DLG2: variants seen among roughly 807,000 people sequenced by gnomAD.
The protein encoded by DLG2 is disks large homolog 2.
DLG2 carries 45 observed loss-of-function variants against 132.5 expected under a neutral mutation model. The ratio of observed to expected loss-of-function variants is 0.34; its 90% CI spans 0.27 to 0.44. DLG2 has a LOEUF of 0.44. DLG2 is among the 20% of genes least tolerant of loss of function. DLG2 has a pLI of 1.00. For synonymous variants in DLG2, 424 were observed against 419.6 expected, an observed-to-expected ratio of 1.01 and a Z score of -0.13; for missense variants, 1,045 against 1,196.9, an observed-to-expected ratio of 0.87 and a Z score of 1.87.
At chr11:85,150,580 G>A (rs2077178092) in intron 5 of DLG2, among the ~76,000 whole-genome samples, 1 of 151,952 alleles carries the variant, frequency 6.6e-6, no homozygotes, top group Admixed American at 6.6e-5. Flanking sequence ...ATACTTCATA[G>A]GAGTGGAATC....
intron 15 of DLG2, among the ~76,000 whole-genome samples, chr11:83,901,811 T>G (rs1162299469): frequency 6.6e-6 from 1 of 152,184 alleles, no homozygotes; most frequent in Non-Finnish European, 1.5e-5. Context: ...ACTGAATAGC[T>G]TGGTTACCTT....
intron 3 of DLG2, among the ~76,000 whole-genome samples, chr11:85,400,697 C>A (rs1294975813): frequency 6.7e-6 from 1 of 149,802 alleles, no homozygotes; most frequent in East Asian, 2.0e-4. Context: ...AAACCAAACA[C>A]CGCATGTTCT....
At chr11:84,574,416 TG>T (rs1357204748) in intron 6 of DLG2, among the ~76,000 whole-genome samples, 2 of 152,018 alleles carry the variant, frequency 1.3e-5, no homozygotes. Flanking sequence ...TTAATGTCAA[TG>T]TTTACCTGTT....
In DLG2 at chr11:85,024,713, G is replaced by C. The variant is rs527425120; in HGVS notation, c.357+86948C>G. Among the ~76,000 whole-genome samples, 10 of 152,230 alleles carry C rather than the reference G, an allele frequency of 6.6e-5. No homozygotes were observed. In the East Asian group the frequency reaches 1.2e-3, roughly 18 times the overall value. On this transcript the variant is annotated intron_variant, in intron 6 of 27. Coordinates refer to ENST00000376104, the MANE Select transcript of DLG2 (RefSeq NM_001142699.3). ...TCCTACCATAACCCTCTCCATACTG[G>C]CTTAAGTTTCATGAACGTACTCCCC...
At chr11:85,387,054 A>G (rs754611983) in intron 3 of DLG2, among the ~76,000 whole-genome samples, 5 of 150,464 alleles carry the variant, frequency 3.3e-5, no homozygotes, top group Non-Finnish European at 7.4e-5. Flanking sequence ...CACTCAGATA[A>G]TTTTTGTATT....
At chr11:85,285,430 A>G (rs2078494344) in intron 3 of DLG2, 65 bp from the exon 4 acceptor site, 2 of 1,448,522 alleles carry the variant, frequency 1.4e-6, no homozygotes, top group Admixed American at 2.0e-5. Context: ...GCTTCTGCAT[A>G]TATGTCCATA....
Position 84,174,737 on chromosome 11 carries a change from T to C in DLG2, c.574-11226A>G, listed in dbSNP as rs539717953. Among the ~76,000 whole-genome samples the C allele has an allele frequency of 3.3e-4, 51 of 152,242 alleles. No individual in the cohort carries two copies. In the South Asian group the frequency reaches 9.5e-3, roughly 28 times the overall value. ...TACCAACTAAAGACTGTCTTGTCCATCGAATCAAAAATATTTTTCTTATCG... is the reference window on the plus strand; with the variant it reads ...TACCAACTAAAGACTGTCTTGTCCACCGAATCAAAAATATTTTTCTTATCG... On this transcript the variant is annotated intron_variant, in intron 8 of 27. Coordinates refer to ENST00000376104, the MANE Select transcript of DLG2 (RefSeq NM_001142699.3).
At chr11:85,113,086 A>G (rs2073029836) in intron 5 of DLG2, among the ~76,000 whole-genome samples, 1 of 152,084 alleles carries the variant, frequency 6.6e-6, no homozygotes, top group South Asian at 2.1e-4. Context: ...TCATAAAAAT[A>G]AACTTATATC....
chr11:85,404,057 G>A (rs2088474806), intron 3 of DLG2, among the ~76,000 whole-genome samples: 1 of 151,914 alleles, frequency 6.6e-6, no homozygotes, highest in African/African-American at 2.4e-5. Context: ...CAGAGTAGAG[G>A]GAAACTTAAC....
chr11:85,154,006 G>A (rs2077428730), intron 5 of DLG2, among the ~76,000 whole-genome samples: 1 of 151,798 alleles, frequency 6.6e-6, no homozygotes. Context: ...TCCCACTTAG[G>A]ACTAATGACT....
intron 10 of DLG2, among the ~76,000 whole-genome samples, chr11:84,081,854 A>G (rs550400286): frequency 6.6e-6 from 1 of 152,328 alleles, no homozygotes; most frequent in South Asian, 2.1e-4. Flanking sequence ...TCGCTGGGTC[A>G]AATGGTATTT....
At chr11:85,065,630 T>C (rs2064795100) in intron 6 of DLG2, among the ~76,000 whole-genome samples, 1 of 151,026 alleles carries the variant, frequency 6.6e-6, no homozygotes, top group South Asian at 2.1e-4. Context: ...TGGACCACAG[T>C]GGAATAAAGC....
intron 6 of DLG2, among the ~76,000 whole-genome samples, chr11:84,687,809 A>C (rs546673336): frequency 1.1e-4 from 16 of 152,366 alleles, no homozygotes; most frequent in African/African-American, 3.8e-4. Context: ...AAAAATGAAA[A>C]AAATGATGCT....
intron 6 of DLG2, among the ~76,000 whole-genome samples, chr11:85,107,457 T>A (rs664417): frequency 0.14 from 21,912 of 151,998 alleles, 1,777 homozygotes; most frequent in South Asian, 0.3. Flanking sequence ...ACTGAGTGGT[T>A]CACAAATATG....
Position 84,950,743 on chromosome 11 carries a change from ACG to A in DLG2, c.357+160916_357+160917del, listed in dbSNP as rs1315172225. Among the ~76,000 whole-genome samples, 5 of 151,514 alleles carry A rather than the reference ACG, an allele frequency of 3.3e-5. 1 individual carries two copies. Among genetic ancestry groups the A allele is most frequent in the Admixed American group, 3.3e-4 (5 of 15,186 alleles). On this transcript the variant is annotated intron_variant, in intron 6 of 27. Coordinates refer to ENST00000376104, the MANE Select transcript of DLG2 (RefSeq NM_001142699.3). The stretch of plus-strand genomic sequence containing the variant: ...CGCACGTGCATACACACACACACAC[ACG>A]CACCCCTCCCACAAGCCTACATGCC...
chr11:84,680,900 C>A (rs773131518), intron 6 of DLG2, among the ~76,000 whole-genome samples: 4 of 152,168 alleles, frequency 2.6e-5, no homozygotes, highest in Admixed American at 6.5e-5. Flanking sequence ...AAAGTAGATT[C>A]TTTCACCTTC....
chr11:83,609,392 C>T (rs1053686869), intron 19 of DLG2, among the ~76,000 whole-genome samples: 1 of 152,172 alleles, frequency 6.6e-6, no homozygotes, highest in African/African-American at 2.4e-5. Flanking sequence ...AAATCTGGCT[C>T]TGTGCTCCTT....
At chr11:85,219,695 A>C (rs2082886379) in intron 4 of DLG2, among the ~76,000 whole-genome samples, 1 of 148,842 alleles carries the variant, frequency 6.7e-6, no homozygotes, top group Admixed American at 6.8e-5. Flanking sequence ...AATAGTAGCC[A>C]TTAAGTTAGG....
At chr11:84,351,500 T>C (rs1452312784) in intron 7 of DLG2, among the ~76,000 whole-genome samples, 1 of 152,210 alleles carries the variant, frequency 6.6e-6, no homozygotes, top group Non-Finnish European at 1.5e-5. Context: ...AGTTAATTAA[T>C]CTCTCTGAAC....
Sources: allele counts gnomAD v4.1 joint callset (sites outside exome capture counted in the v4.1 genomes callset), GRCh38; gene constraint gnomAD v4.1.1; transcripts MANE v1.5; gene names NCBI Gene and HGNC (gene_info 2026-07-23, HGNC 2026-07-21).